Variants in DTNBP1 observed in about 807,000 individuals in gnomAD.
The protein encoded by DTNBP1 is dystrobrevin binding protein 1, also known as dysbindin.
Under a neutral mutation model 42.8 loss-of-function variants are expected in DTNBP1, and 35 were observed. The observed-to-expected ratio is 0.82, with a 90% CI of 0.63 to 1.09. The LOEUF is 1.09. Ranked by LOEUF, DTNBP1 falls within the 50% of genes least tolerant of loss-of-function variation. DTNBP1 has a pLI of 0.00. For synonymous variants in DTNBP1, 171 were observed against 162.2 expected, an observed-to-expected ratio of 1.05 and a Z score of -0.41; for missense variants, 457 against 424.2, an observed-to-expected ratio of 1.08 and a Z score of -0.68.
At chr6:15,574,360 C>T (rs1238517125) in intron 7 of DTNBP1, among the ~76,000 whole-genome samples, 1 of 152,108 alleles carries the variant, frequency 6.6e-6, no homozygotes, top group African/African-American at 2.4e-5. Flanking sequence ...GATGGATCAC[C>T]GGATTTCAGT....
chr6:15,615,244 T>G, intron 6 of DTNBP1, 23 bp downstream of exon 6: 1 of 1,614,174 alleles, frequency 6.2e-7, no homozygotes, highest in South Asian at 1.1e-5. Flanking sequence ...GAATGAATAC[T>G]GTGGCAAACT....
intron 7 of DTNBP1, among the ~76,000 whole-genome samples, chr6:15,542,664 C>G (rs571375856): frequency 6.6e-6 from 1 of 152,116 alleles, no homozygotes; most frequent in East Asian, 1.9e-4. Context: ...GCCATCGCAC[C>G]TGGCCAAATT....
intron 5 of DTNBP1, among the ~76,000 whole-genome samples, chr6:15,626,908 T>C (rs1380986068): frequency 4.6e-5 from 7 of 152,118 alleles, no homozygotes; most frequent in Admixed American, 4.6e-4. Context: ...TTAACCAGGT[T>C]TGTTTGATCT....
At chr6:15,547,236 A>G (rs747845043) in intron 7 of DTNBP1, among the ~76,000 whole-genome samples, 4 of 152,226 alleles carry the variant, frequency 2.6e-5, no homozygotes, top group Non-Finnish European at 5.9e-5. Context: ...GAGTCCATTC[A>G]AAAGGGTTGT....
At chr6:15,642,797 C>A (rs1455077210) in intron 3 of DTNBP1, among the ~76,000 whole-genome samples, 1 of 152,008 alleles carries the variant, frequency 6.6e-6, no homozygotes, top group Admixed American at 6.6e-5. Context: ...CACAGCCATA[C>A]CCTTAAGGAA....
intron 1 of DTNBP1, among the ~76,000 whole-genome samples, chr6:15,654,679 T>C (rs1013049250): frequency 2.0e-5 from 3 of 152,070 alleles, no homozygotes; most frequent in Non-Finnish European, 4.4e-5. Context: ...AAAGGAGTGT[T>C]ACAGGGAACA....
intron 7 of DTNBP1, among the ~76,000 whole-genome samples, chr6:15,535,092 G>GATTGGGTC (rs199736503): frequency 0.034 from 5,193 of 152,150 alleles, 132 homozygotes; most frequent in Non-Finnish European, 0.052. Context: ...GGAGGGAAGT[G>GATTGGGTC]ATTGGGTCAT....
intron 6 of DTNBP1, among the ~76,000 whole-genome samples, chr6:15,613,234 C>T (rs1387235248): frequency 1.4e-5 from 2 of 147,618 alleles, no homozygotes; most frequent in Non-Finnish European, 3.0e-5. Context: ...ACCCAGGAGG[C>T]GGAGGTTGCA....
intron 3 of DTNBP1, among the ~76,000 whole-genome samples, chr6:15,650,895 CTTG>C (rs1463022404): frequency 6.6e-6 from 1 of 152,024 alleles, no homozygotes; most frequent in Non-Finnish European, 1.5e-5. Flanking sequence ...TAATTTTTAT[CTTG>C]TTGTTTGTGC....
At chr6:15,575,973 A>C (rs1561968822) in intron 7 of DTNBP1, among the ~76,000 whole-genome samples, 2 of 152,184 alleles carry the variant, frequency 1.3e-5, no homozygotes, top group Non-Finnish European at 2.9e-5. Flanking sequence ...GGAGGAGGAG[A>C]CACAAGTATG....
chr6:15,635,678 C>T (rs1759965600), intron 4 of DTNBP1, among the ~76,000 whole-genome samples: 1 of 152,076 alleles, frequency 6.6e-6, no homozygotes, highest in Admixed American at 6.6e-5. Flanking sequence ...ACCTAAAGAC[C>T]TTTTATAAGT....
At chr6:15,527,226 A>G (rs552209989) in intron 8 of DTNBP1, among the ~76,000 whole-genome samples, 1 of 152,322 alleles carries the variant, frequency 6.6e-6, no homozygotes, top group East Asian at 1.9e-4. Context: ...ACGTTTTTAA[A>G]GTAAAAATAT....
At chr6:15,594,420 G>T (rs909473259) in intron 6 of DTNBP1, among the ~76,000 whole-genome samples, 1 of 149,856 alleles carries the variant, frequency 6.7e-6, no homozygotes, top group East Asian at 2.0e-4. Flanking sequence ...AGCCAAGATC[G>T]TACCACTGCA....
chr6:15,629,212 C>T (rs1289939294), intron 4 of DTNBP1, among the ~76,000 whole-genome samples: 1 of 151,978 alleles, frequency 6.6e-6, no homozygotes, highest in Non-Finnish European at 1.5e-5. Flanking sequence ...TTTGCTAAGC[C>T]CTATTTTGGA....
chr6:15,558,344 G>A (rs1426349478), intron 7 of DTNBP1, among the ~76,000 whole-genome samples: 1 of 149,718 alleles, frequency 6.7e-6, no homozygotes, highest in Non-Finnish European at 1.5e-5. Flanking sequence ...TCAGCTCACT[G>A]CAACCTCTGC....
intron 2 of DTNBP1, 48 bp from the exon 3 acceptor site, chr6:15,651,411 G>GAA (rs201022468): frequency 2.7e-4 from 346 of 1,282,284 alleles, no homozygotes; most frequent in Admixed American, 5.1e-4. Flanking sequence ...TTAGCCAACT[G>GAA]AAAAAAAAAA....
chr6:15,612,341 T>C (rs1357033916), intron 6 of DTNBP1, among the ~76,000 whole-genome samples: 1 of 152,180 alleles, frequency 6.6e-6, no homozygotes, highest in Non-Finnish European at 1.5e-5. Context: ...ATAATTTTTA[T>C]ATGCACTAGG....
chr6:15,600,006 G>T, intron 6 of DTNBP1, among the ~76,000 whole-genome samples: 1 of 151,738 alleles, frequency 6.6e-6, no homozygotes, highest in East Asian at 1.9e-4. Context: ...ATCCTTACAG[G>T]CTTGTTGCCA....
chr6:15,552,581 G>T lies in DTNBP1; in HGVS notation c.512-19186C>A, dbSNP rs150997830. Among the ~76,000 whole-genome samples, 756 of 152,090 alleles carry T rather than the reference G, an allele frequency of 5.0e-3. 7 individuals are homozygous for T. The highest frequency in any genetic ancestry group is 0.017 in the African/African-American group (705 of 41,460). ...AGCAGGAGGACTGCTTGAGGCCAGG[G>T]GTTCAAGACCAGCCTGGCCAACATA... On this transcript the variant is annotated intron_variant, in intron 7 of 9. Coordinates refer to ENST00000344537, the MANE Select transcript of DTNBP1 (RefSeq NM_032122.5).
Sources: allele counts gnomAD v4.1 joint callset (sites outside exome capture counted in the v4.1 genomes callset), GRCh38; gene constraint gnomAD v4.1.1; transcripts MANE v1.5; gene names NCBI Gene and HGNC (gene_info 2026-07-23, HGNC 2026-07-21).